FNBP1: variants seen among roughly 807,000 people sequenced by gnomAD.
FNBP1 encodes formin-binding protein 1.
A neutral mutation model predicts 90.6 loss-of-function variants in FNBP1; 26 were observed. That is an observed-to-expected ratio of 0.29 (90% CI 0.21 to 0.40). FNBP1 has a LOEUF of 0.40. FNBP1 is among the 10% of genes least tolerant of loss of function. The pLI is 1.00. For synonymous variants in FNBP1, 260 were observed against 265.2 expected (o/e 0.98, Z 0.19); for missense variants, 635 against 768.0 (o/e 0.83, Z 2.05).
chr9:129,960,579 G>A (rs1361745094), intron 4 of FNBP1, among the ~76,000 whole-genome samples: 1 of 152,054 alleles, frequency 6.6e-6, no homozygotes, highest in Non-Finnish European at 1.5e-5. Flanking sequence ...GTGTTAACCT[G>A]GCGGCCAGAT....
At chr9:129,929,850 T>G (rs1320336484) in intron 6 of FNBP1, among the ~76,000 whole-genome samples, 155 bp from the exon 7 acceptor site, 1 of 152,170 alleles carries the variant, frequency 6.6e-6, no homozygotes, top group Non-Finnish European at 1.5e-5. Context: ...CTGAATTGAA[T>G]TGACTTTAGG....
At chr9:129,984,678 C>T (rs1037295691) in intron 2 of FNBP1, among the ~76,000 whole-genome samples, 1 of 152,146 alleles carries the variant, frequency 6.6e-6, no homozygotes, top group East Asian at 1.9e-4. Flanking sequence ...TGAATTGTAT[C>T]TCCCAGAATT....
intron 1 of FNBP1, chr9:130,013,839 C>A: frequency 2.3e-6 from 1 of 438,448 alleles, no homozygotes; most frequent in South Asian, 1.6e-5. Context: ...GGGCTTGTTA[C>A]AAAAGGGAGT....
At chr9:129,948,160 C>CT (rs1176249789) in intron 6 of FNBP1, among the ~76,000 whole-genome samples, 1 of 151,764 alleles carries the variant, frequency 6.6e-6, no homozygotes, top group Non-Finnish European at 1.5e-5. Flanking sequence ...GTGGTCTCAG[C>CT]TACTTGGGAG....
chr9:129,942,693 C>T (rs1417232712), intron 6 of FNBP1, among the ~76,000 whole-genome samples: 1 of 152,028 alleles, frequency 6.6e-6, no homozygotes, highest in African/African-American at 2.4e-5. Context: ...ATAGGTTTAC[C>T]CTATTTATCT....
chr9:129,912,843 T>TGTGTGGCTGTGAAGCATTTGAA (rs1321253698), intron 11 of FNBP1, among the ~76,000 whole-genome samples: 16 of 152,222 alleles, frequency 1.1e-4, no homozygotes, highest in African/African-American at 3.6e-4. Flanking sequence ...ACAGAAGCCA[T>TGTGTGGCTGTGAAGCATTTGAA]GTGTGGCTGT....
rs2045791092 is a variant in FNBP1 at position 129,949,118 on chromosome 9, A to T, written c.513+8242T>A. Among the ~76,000 whole-genome samples the T allele has an allele frequency of 2.6e-5, 4 of 152,178 alleles. No homozygotes were observed. The South Asian group carries it at 8.3e-4, about 32-fold the overall frequency. ...CTGAAACACAGGGGTCATGAGCTGC[A>T]GGATGACCTATCCCAACATGTACTG... is the stretch of plus-strand genomic sequence containing the variant. On this transcript the variant is annotated intron_variant, in intron 6 of 16. Coordinates refer to ENST00000446176, the MANE Select transcript of FNBP1 (RefSeq NM_015033.3).
chr9:129,919,144 C>G (rs1461813696), intron 10 of FNBP1: 2 of 1,239,550 alleles, frequency 1.6e-6, no homozygotes, highest in African/African-American at 3.1e-5. Context: ...ACCTGGCCAT[C>G]ACAGGTGAAC....
intron 6 of FNBP1, among the ~76,000 whole-genome samples, chr9:129,952,114 C>A (rs1454096795): frequency 6.6e-6 from 1 of 151,856 alleles, no homozygotes; most frequent in African/African-American, 2.4e-5. Context: ...ACGGTTTGAA[C>A]CCGGGAGGCA....
intron 7 of FNBP1, among the ~76,000 whole-genome samples, chr9:129,928,087 G>A (rs1588617204): frequency 6.6e-6 from 1 of 152,106 alleles, no homozygotes; most frequent in East Asian, 1.9e-4. Flanking sequence ...TGTTTGCTGT[G>A]TGTGTAGACA....
rs1045163387 is a variant in FNBP1 at position 129,990,450 on chromosome 9, A to G, written c.140+4393T>C. Among the ~76,000 whole-genome samples the G allele has an allele frequency of 6.6e-5, 10 of 152,290 alleles. No homozygotes were observed. The South Asian group carries it at 1.9e-3, about 28-fold the overall frequency. On this transcript the variant is annotated intron_variant, in intron 2 of 16. Coordinates refer to ENST00000446176, the MANE Select transcript of FNBP1 (RefSeq NM_015033.3). ...ATATCTACATGGAAGGGCTAGCGCA[A>G]TAGCTCTCGGGTGAGGGGATGCCTG...
chr9:129,943,665 G>A lies in FNBP1; in HGVS notation c.513+13695C>T, dbSNP rs560350150. On this transcript the variant is annotated intron_variant, in intron 6 of 16. Coordinates refer to ENST00000446176, the MANE Select transcript of FNBP1 (RefSeq NM_015033.3). ...GCAGCCTAAAGTGCTGGGATTACAG[G>A]CATGAGCCACTGCGCCCGGCCTAAT... is the stretch of plus-strand genomic sequence containing the variant. Among the ~76,000 whole-genome samples the A allele has an allele frequency of 5.3e-5, 8 of 152,144 alleles. No individual in the cohort carries two copies. The South Asian group carries it at 1.7e-3, about 32-fold the overall frequency.
At chr9:129,942,872 T>TGGGGG in intron 6 of FNBP1, among the ~76,000 whole-genome samples, 1 of 33,462 alleles carries the variant, frequency 3.0e-5, no homozygotes, top group South Asian at 9.7e-4. Context: ...TTGGTTGGGG[T>TGGGGG]GGGGGTGGGG....
At chr9:129,912,443 C>A (rs1320809743) in intron 11 of FNBP1, among the ~76,000 whole-genome samples, 1 of 152,168 alleles carries the variant, frequency 6.6e-6, no homozygotes, top group African/African-American at 2.4e-5. Context: ...AATCTTGGCA[C>A]TTTGGGAGGC....
chr9:129,900,879 G>A lies in FNBP1; in HGVS notation c.1429-332C>T, dbSNP rs985969691. ...CTATGCTATCCCCTTGGGCTTTTAA[G>A]CAGCAGTGCAGTCTTGGATAAGTCA... On this transcript the variant is annotated intron_variant, in intron 13 of 16. Transcript: ENST00000446176. This position sits in a 1 kb window ranked among gnomAD's most constrained non-coding sequence, Gnocchi z 4.1. Among the ~76,000 whole-genome samples the A allele has an allele frequency of 6.6e-6, 1 of 152,252 alleles. No individual in the cohort carries two copies. Among genetic ancestry groups the A allele is most frequent in the African/African-American group, 2.4e-5 (1 of 41,460 alleles).
chr9:130,002,580 C>T (rs1418481319), intron 1 of FNBP1, among the ~76,000 whole-genome samples: 2 of 152,186 alleles, frequency 1.3e-5, no homozygotes, highest in East Asian at 3.8e-4. Context: ...TTACTTTCTA[C>T]TATGAATGGA....
At chr9:129,965,692 ACACAC>A in intron 4 of FNBP1, among the ~76,000 whole-genome samples, 1 of 117,932 alleles carries the variant, frequency 8.5e-6, no homozygotes, top group East Asian at 2.6e-4. Context: ...AAACACACAC[ACACAC>A]GCGCGCGCGC....
In FNBP1 at chr9:129,978,636, T is replaced by G. The variant is rs778698820; in HGVS notation, c.198-24A>C. 4.4e-6 allele frequency: 7 copies of G among 1,607,036 alleles called. No homozygotes were observed. In the East Asian group the frequency reaches 1.6e-4, roughly 36 times the overall value. On this transcript the variant is annotated intron_variant, in intron 3 of 16. Coordinates refer to ENST00000446176, the MANE Select transcript of FNBP1 (RefSeq NM_015033.3). ...ACCTATGGAACAGAACACACGCCAC[T>G]CTGTTTCACACAAGGCCACATTCAT...
chr9:129,947,769 T>C (rs2045555340), intron 6 of FNBP1, among the ~76,000 whole-genome samples: 1 of 151,558 alleles, frequency 6.6e-6, no homozygotes, highest in African/African-American at 2.4e-5. Context: ...ATTACAGGCA[T>C]GCGCCACCAC....
Sources: allele counts gnomAD v4.1 joint callset (sites outside exome capture counted in the v4.1 genomes callset), GRCh38; gene constraint gnomAD v4.1.1; non-coding constraint Gnocchi (gnomAD v3.1); transcripts MANE v1.5; gene names NCBI Gene and HGNC (gene_info 2026-07-23, HGNC 2026-07-21).